Variants in DLG2 observed in about 807,000 individuals in gnomAD.
DLG2 encodes discs large MAGUK scaffold protein 2.
A neutral mutation model predicts 132.5 loss-of-function variants in DLG2; 45 were observed. That is an observed-to-expected ratio of 0.34 (90% CI 0.27 to 0.44). The LOEUF is 0.44. DLG2 is among the 20% of genes least tolerant of loss of function. The pLI is 1.00. For missense variants in DLG2, 1,045 were observed against 1,196.9 expected, an observed-to-expected ratio of 0.87 and a Z score of 1.87; for synonymous variants, 424 against 419.6, an observed-to-expected ratio of 1.01 and a Z score of -0.13.
chr11:85,051,284 G>C (rs1237330956), intron 6 of DLG2, among the ~76,000 whole-genome samples: 2 of 151,982 alleles, frequency 1.3e-5, no homozygotes, highest in East Asian at 1.9e-4. Flanking sequence ...GTAAAAGCAG[G>C]CATGTTTATT....
intron 6 of DLG2, among the ~76,000 whole-genome samples, chr11:84,862,075 T>C (rs1468627254): frequency 6.7e-6 from 1 of 149,542 alleles, no homozygotes; most frequent in Admixed American, 6.6e-5. Flanking sequence ...CTGGGAGATA[T>C]ACCTAATGCT....
intron 15 of DLG2, among the ~76,000 whole-genome samples, chr11:83,881,579 T>C: frequency 6.6e-6 from 1 of 152,218 alleles, no homozygotes; most frequent in South Asian, 2.1e-4. Flanking sequence ...TGGCAAATCA[T>C]CACAGATCTC....
intron 4 of DLG2, among the ~76,000 whole-genome samples, chr11:85,235,968 A>AT (rs1399453144): frequency 1.3e-5 from 2 of 151,918 alleles, no homozygotes; most frequent in Non-Finnish European, 2.9e-5. Flanking sequence ...TATTCAGTAG[A>AT]TAAAAACACT....
intron 8 of DLG2, among the ~76,000 whole-genome samples, chr11:84,181,519 T>C (rs1435996624): frequency 1.3e-5 from 2 of 151,966 alleles, no homozygotes; most frequent in African/African-American, 4.8e-5. Flanking sequence ...AAGTAGTAAA[T>C]ACATCAATAA....
intron 18 of DLG2, among the ~76,000 whole-genome samples, chr11:83,773,112 G>C (rs895206906): frequency 6.6e-6 from 1 of 152,174 alleles, no homozygotes; most frequent in East Asian, 1.9e-4. Flanking sequence ...TTATTATTTG[G>C]ATAATAAAAT....
chr11:83,571,587 C>T (rs563352305), intron 19 of DLG2, among the ~76,000 whole-genome samples: 206 of 117,044 alleles, frequency 1.8e-3, no homozygotes, highest in Admixed American at 4.8e-3. Context: ...AGCGAGACTC[C>T]GTCTCAAAAA....
At chr11:83,577,714 AATT>A (rs1451425348) in intron 19 of DLG2, among the ~76,000 whole-genome samples, 2 of 127,366 alleles carry the variant, frequency 1.6e-5, no homozygotes, top group African/African-American at 3.0e-5. Flanking sequence ...ATAAATATAT[AATT>A]ATTAAATTAT....
intron 17 of DLG2, among the ~76,000 whole-genome samples, chr11:83,832,433 T>C (rs772946041): frequency 1.3e-5 from 2 of 152,126 alleles, no homozygotes; most frequent in Non-Finnish European, 2.9e-5. Flanking sequence ...GAAAATTACT[T>C]ACAAAATAAT....
chr11:84,465,147 T>A (rs1186506320), intron 7 of DLG2, among the ~76,000 whole-genome samples: 1 of 151,228 alleles, frequency 6.6e-6, no homozygotes, highest in African/African-American at 2.4e-5. Context: ...CAGCAGGACA[T>A]GCTGCCTGCT....
chr11:85,619,532 A>T (rs1389689134), intron 2 of DLG2, among the ~76,000 whole-genome samples: 1 of 152,036 alleles, frequency 6.6e-6, no homozygotes, highest in African/African-American at 2.4e-5. Context: ...GAAGTTTTGG[A>T]AAACAGAAAA....
intron 6 of DLG2, among the ~76,000 whole-genome samples, chr11:84,568,019 A>G (rs187378612): frequency 3.3e-5 from 5 of 152,328 alleles, no homozygotes; most frequent in African/African-American, 1.2e-4. Context: ...AGGCAGTCAT[A>G]TAGCATCCCT....
chr11:83,694,156 G>C (rs1236606894), intron 18 of DLG2, among the ~76,000 whole-genome samples: 1 of 152,198 alleles, frequency 6.6e-6, no homozygotes, highest in South Asian at 2.1e-4. Context: ...GTAAGCAACA[G>C]AGCTGGGACT....
chr11:83,815,463 G>C (rs115394817), intron 17 of DLG2, among the ~76,000 whole-genome samples: 1,962 of 152,220 alleles, frequency 0.013, 55 homozygotes, highest in African/African-American at 0.045. Context: ...CCAGAGGTGG[G>C]AAGGTTGGTT....
chr11:85,402,949 C>A (rs1458212182), intron 3 of DLG2, among the ~76,000 whole-genome samples: 3 of 152,120 alleles, frequency 2.0e-5, no homozygotes, highest in Admixed American at 6.6e-5. Flanking sequence ...CCTCAAGGAT[C>A]TAGAACTGGC....
At chr11:84,510,987 A>G (rs1013330838) in intron 7 of DLG2, among the ~76,000 whole-genome samples, 2 of 152,192 alleles carry the variant, frequency 1.3e-5, no homozygotes, top group Admixed American at 1.3e-4. Flanking sequence ...CTTACATGGA[A>G]CATATCCTTC....
At chr11:84,699,217 T>C (rs1043248284) in intron 6 of DLG2, among the ~76,000 whole-genome samples, 5 of 151,592 alleles carry the variant, frequency 3.3e-5, no homozygotes, top group African/African-American at 1.2e-4. Context: ...CAAAGAAACC[T>C]GGATTTGATT....
chr11:84,644,449 G>A (rs1052772601), intron 6 of DLG2, among the ~76,000 whole-genome samples: 2 of 152,162 alleles, frequency 1.3e-5, no homozygotes, highest in Admixed American at 6.5e-5. Context: ...GCTCACACCT[G>A]TAATCCCAGC....
intron 7 of DLG2, among the ~76,000 whole-genome samples, chr11:84,327,231 A>C (rs964428462): frequency 6.7e-6 from 1 of 149,356 alleles, no homozygotes; most frequent in Admixed American, 6.8e-5. Context: ...TTACAGGCAC[A>C]CACCACCATG....
At chr11:84,212,386 G>A (rs1180627020) in intron 8 of DLG2, among the ~76,000 whole-genome samples, 1 of 152,158 alleles carries the variant, frequency 6.6e-6, no homozygotes, top group Non-Finnish European at 1.5e-5. Flanking sequence ...TAAGAAAAAT[G>A]ACATAAAATT....
Sources: gnomAD v4.1 joint callset for allele counts (sites outside exome capture counted in the v4.1 genomes callset) on GRCh38, gnomAD v4.1.1 for gene constraint, MANE v1.5 for transcripts, NCBI Gene and HGNC (gene_info 2026-07-23, HGNC 2026-07-21) for gene names.